SCEL: variants seen among roughly 807,000 people sequenced by gnomAD.
SCEL encodes the protein sciellin.
Under a neutral mutation model 117.6 loss-of-function variants are expected in SCEL, and 113 were observed. The ratio of observed to expected loss-of-function variants is 0.96; its 90% CI spans 0.83 to 1.12. The LOEUF is 1.12. Ranked by LOEUF, SCEL falls within the 50% of genes most tolerant of loss-of-function variation. The probability of loss-of-function intolerance (pLI) is 0.00; values close to 1 mark genes in which losing one functional copy is unlikely to be tolerated. For missense variants in SCEL, 785 were observed against 810.8 expected (o/e 0.97, Z 0.39); for synonymous variants, 270 against 256.2 (o/e 1.05, Z -0.51).
chr13:77,623,518 A>G (rs2154404549), intron 27 of SCEL: 1 of 152,324 alleles, frequency 6.6e-6, no homozygotes, highest in South Asian at 2.1e-4. Flanking sequence ...GATATGTGGT[A>G]CTGTTTAATA....
intron 27 of SCEL, 22 bp downstream of exon 27, chr13:77,618,082 G>A: frequency 1.3e-6 from 2 of 1,588,326 alleles, no homozygotes; most frequent in Non-Finnish European, 1.7e-6. Context: ...TGACTATCTT[G>A]ACATGTTTAC....
At chr13:77,621,542 A>C (rs1253176900) in intron 27 of SCEL, among the ~76,000 whole-genome samples, 1 of 152,116 alleles carries the variant, frequency 6.6e-6, no homozygotes, top group Non-Finnish European at 1.5e-5. Context: ...GGCCCATAAC[A>C]TTGGTCTCTT....
chr13:77,562,302 G>A (rs2085028595), intron 4 of SCEL, among the ~76,000 whole-genome samples: 1 of 152,124 alleles, frequency 6.6e-6, no homozygotes, highest in Non-Finnish European at 1.5e-5. Context: ...TCTGCAAGGG[G>A]ACAGATGGCC....
At chr13:77,579,817 G>C (rs1168316193) in intron 9 of SCEL, among the ~76,000 whole-genome samples, 1 of 152,174 alleles carries the variant, frequency 6.6e-6, no homozygotes, top group African/African-American at 2.4e-5. Flanking sequence ...AGATGCAAAG[G>C]GGAGGTGTGG....
intron 1 of SCEL, among the ~76,000 whole-genome samples, chr13:77,551,676 T>TTTTGTTTG (rs569934911): frequency 6.6e-6 from 1 of 152,122 alleles, no homozygotes. Context: ...GGCCTCGTTT[T>TTTTGTTTG]TTTGTTTGTT....
intron 22 of SCEL, among the ~76,000 whole-genome samples, chr13:77,610,446 C>T (rs1173770649): frequency 2.1e-4 from 11 of 52,230 alleles, no homozygotes; most frequent in African/African-American, 5.9e-4. Context: ...AGCAAGACTC[C>T]GTCAAAAAAA....
chr13:77,564,187 A>G (rs1230014154), intron 5 of SCEL, among the ~76,000 whole-genome samples: 1 of 146,654 alleles, frequency 6.8e-6, no homozygotes, highest in Non-Finnish European at 1.5e-5. Context: ...TTAGTTCAAT[A>G]TAGGTTTTTT....
chr13:77,536,847 G>A (rs892492269), intron 1 of SCEL, among the ~76,000 whole-genome samples: 2 of 152,120 alleles, frequency 1.3e-5, no homozygotes, highest in African/African-American at 2.4e-5. Flanking sequence ...TCTGAGAGGG[G>A]GTTAGACACA....
chr13:77,555,776 G>A, intron 1 of SCEL, 81 bp from the exon 2 acceptor site: 1 of 920,186 alleles, frequency 1.1e-6, no homozygotes, highest in South Asian at 1.4e-5. Flanking sequence ...TCATTGAAAA[G>A]TGAATCTCAG....
At chr13:77,595,558 A>G (rs1015016391) in intron 12 of SCEL, among the ~76,000 whole-genome samples, 7 of 152,192 alleles carry the variant, frequency 4.6e-5, no homozygotes, top group Admixed American at 1.3e-4. Flanking sequence ...CCAAATCCTG[A>G]TAATCTCATC....
intron 2 of SCEL, 80 bp downstream of exon 2, chr13:77,555,998 CA>C: frequency 1.9e-6 from 2 of 1,032,908 alleles, no homozygotes; most frequent in Non-Finnish European, 3.0e-6. Context: ...TTCTTTAATA[CA>C]GATATTGAAT....
intron 28 of SCEL, among the ~76,000 whole-genome samples, chr13:77,633,429 C>T (rs1052286915): frequency 9.1e-4 from 67 of 73,940 alleles, no homozygotes; most frequent in Non-Finnish European, 1.2e-3. Flanking sequence ...GGCGACAGAG[C>T]GAGACTCCGC....
At position 77,621,704 on chromosome 13, in the gene SCEL, C is replaced by T. The variant is rs890594041; in HGVS notation, c.1628+3644C>T. On this transcript the variant is annotated intron_variant, in intron 27 of 32. Coordinates refer to ENST00000349847, the MANE Select transcript of SCEL (RefSeq NM_144777.3). Reference sequence around the variant, plus strand: ...GCACATATTAAGGATAAATCTCAAACTCATCAATGCCTTATGATAGTCCAC... The same window carrying T: ...GCACATATTAAGGATAAATCTCAAATTCATCAATGCCTTATGATAGTCCAC... Among the ~76,000 whole-genome samples, 3 of 152,186 alleles carry T rather than the reference C, an allele frequency of 2.0e-5. No individual in the cohort carries two copies. In the East Asian group the frequency reaches 5.8e-4, roughly 29 times the overall value.
At chr13:77,585,524 G>A (rs576683520) in intron 9 of SCEL, among the ~76,000 whole-genome samples, 190 of 152,142 alleles carry the variant, frequency 1.2e-3, no homozygotes, top group Non-Finnish European at 1.7e-3. Context: ...CCAAGCATGT[G>A]CGCGCTCTTC....
At chr13:77,539,765 A>G (rs971489864) in intron 1 of SCEL, among the ~76,000 whole-genome samples, 1 of 152,110 alleles carries the variant, frequency 6.6e-6, no homozygotes, top group Non-Finnish European at 1.5e-5. Flanking sequence ...CGATCTCCTG[A>G]TCACGTGGTC....
intron 17 of SCEL, 168 bp from the exon 18 acceptor site, chr13:77,602,908 A>C: frequency 1.6e-6 from 1 of 625,748 alleles, no homozygotes; most frequent in South Asian, 2.4e-5. Flanking sequence ...AATCCTAAGG[A>C]TTAATTAAAC....
intron 4 of SCEL, among the ~76,000 whole-genome samples, chr13:77,561,080 C>T (rs967994046): frequency 7.9e-5 from 12 of 152,142 alleles, no homozygotes; most frequent in African/African-American, 1.7e-4. Context: ...GACTCTCTGC[C>T]GAGGCCCTGT....
chr13:77,600,063 GA>G, intron 15 of SCEL: 1 of 302,050 alleles, frequency 3.3e-6, no homozygotes, highest in South Asian at 6.3e-5. Context: ...AAGTAGTGGA[GA>G]ATAGGTTGGT....
chr13:77,585,437 C>A (rs548052465), intron 9 of SCEL, among the ~76,000 whole-genome samples: 1 of 152,094 alleles, frequency 6.6e-6, no homozygotes, highest in East Asian at 1.9e-4. Flanking sequence ...AAGAGTTTGT[C>A]ACATCTGCAG....
Sources: gnomAD v4.1 joint callset for allele counts (sites outside exome capture counted in the v4.1 genomes callset) on GRCh38, gnomAD v4.1.1 for gene constraint, MANE v1.5 for transcripts, NCBI Gene and HGNC (gene_info 2026-07-23, HGNC 2026-07-21) for gene names.